GLG1: variants seen among roughly 807,000 people sequenced by gnomAD.
GLG1 encodes the protein golgi glycoprotein 1, also known as Golgi apparatus protein 1.
A neutral mutation model predicts 160.5 loss-of-function variants in GLG1; 38 were observed. The ratio of observed to expected loss-of-function variants is 0.24; its 90% CI spans 0.18 to 0.31. The LOEUF is 0.31. GLG1 is among the 10% of genes least tolerant of loss of function. GLG1 has a pLI of 1.00. For synonymous variants in GLG1, 644 were observed against 543.4 expected (o/e 1.19, Z -2.57); for missense variants, 1,373 against 1,505.2 (o/e 0.91, Z 1.45).
In GLG1 at chr16:74,474,650, A is replaced by T; in HGVS notation, c.1966-18T>A. ...TCCAGCTCCTGCAAATATAAAGGCA[A>T]GCCACTGGCATTTATCAGTCACATA... On this transcript the variant is annotated intron_variant, in intron 12 of 25. Transcript: ENST00000422840. 2 of 1,202,692 alleles carry T rather than the reference A, an allele frequency of 1.7e-6. No individual in the cohort carries two copies. Among genetic ancestry groups the T allele is most frequent in the Non-Finnish European group, 2.5e-6 (2 of 803,804 alleles). 74.5% of individuals were successfully genotyped at this position (1,202,692 alleles called of 1,614,324 possible).
chr16:74,495,419 G>C (rs2016150252), intron 5 of GLG1, among the ~76,000 whole-genome samples: 1 of 152,170 alleles, frequency 6.6e-6, no homozygotes. Context: ...CAGCCTCTGA[G>C]TCTTCTTTCT....
chr16:74,603,575 T>C (rs1291552470), intron 1 of GLG1, among the ~76,000 whole-genome samples: 1 of 151,874 alleles, frequency 6.6e-6, no homozygotes, highest in Non-Finnish European at 1.5e-5. Flanking sequence ...TGCGCCCGGC[T>C]GAACACCACA....
chr16:74,454,686 A>ACC (rs1269230432), intron 25 of GLG1, among the ~76,000 whole-genome samples: 3,481 of 147,694 alleles, frequency 0.024, 130 homozygotes, highest in African/African-American at 0.062. Context: ...AAAAAAAAAA[A>ACC]AAAAAAAAAA....
At chr16:74,559,010 G>A (rs1165718083) in intron 1 of GLG1, among the ~76,000 whole-genome samples, 3 of 152,068 alleles carry the variant, frequency 2.0e-5, no homozygotes, top group Non-Finnish European at 4.4e-5. Context: ...TCAGCCTCCT[G>A]AGCAGCTGGG....
intron 1 of GLG1, among the ~76,000 whole-genome samples, chr16:74,583,989 T>A (rs1246569945): frequency 2.0e-5 from 3 of 152,096 alleles, no homozygotes; most frequent in African/African-American, 7.2e-5. Flanking sequence ...TCCCCATCAA[T>A]CCCACTTCTA....
At chr16:74,590,845 A>G (rs1045340993) in intron 1 of GLG1, among the ~76,000 whole-genome samples, 5 of 151,232 alleles carry the variant, frequency 3.3e-5, no homozygotes, top group African/African-American at 9.7e-5. Flanking sequence ...CCACCACCAG[A>G]CACACTAAAA....
intron 1 of GLG1, among the ~76,000 whole-genome samples, chr16:74,591,906 A>G (rs903210686): frequency 6.6e-6 from 1 of 152,160 alleles, no homozygotes; most frequent in African/African-American, 2.4e-5. Flanking sequence ...GTGGGAGCAG[A>G]GTTTTCCTTT....
At position 74,486,043 on chromosome 16, in the gene GLG1, T is replaced by C. The variant is rs561228330; in HGVS notation, c.1450-126A>G. 10 of 676,790 alleles carry C rather than the reference T, an allele frequency of 1.5e-5. No individual in the cohort carries two copies. The East Asian group carries it at 2.2e-4, about 15-fold the overall frequency. 41.9% of individuals were successfully genotyped at this position (676,790 alleles called of 1,614,324 possible). On this transcript the variant is annotated intron_variant, in intron 8 of 25. Coordinates refer to ENST00000422840, the MANE Select transcript of GLG1 (RefSeq NM_001145667.2). ...TGTACTCCAATAAAGTTGTCTACAG[T>C]TGTCACTAGCCAAGCTCAAGAGCAT... is the stretch of plus-strand genomic sequence containing the variant.
chr16:74,605,277 A>G (rs75179791), intron 1 of GLG1, among the ~76,000 whole-genome samples: 2,926 of 151,612 alleles, frequency 0.019, 40 homozygotes, highest in Non-Finnish European at 0.028. Context: ...AGGTTTCCAA[A>G]TGTCCGGAAT....
At chr16:74,502,722 G>GTTTTTTTTTTTTT (rs745410150) in intron 4 of GLG1, among the ~76,000 whole-genome samples, 6 of 109,588 alleles carry the variant, frequency 5.5e-5, no homozygotes, top group African/African-American at 1.8e-4. Flanking sequence ...TTTGTTTTTG[G>GTTTTTTTTTTTTT]TTTTTTTTTT....
intron 1 of GLG1, among the ~76,000 whole-genome samples, chr16:74,555,804 A>G (rs1404455767): frequency 2.6e-5 from 4 of 151,998 alleles, no homozygotes; most frequent in Admixed American, 2.0e-4. Flanking sequence ...TCACACAAAG[A>G]CAATTATAGC....
At position 74,493,042 on chromosome 16, in the gene GLG1, G is replaced by A; in HGVS notation, c.1149C>T (p.Tyr383=). The A allele has an allele frequency of 1.2e-6, 2 of 1,613,614 alleles. No individual in the cohort carries two copies. The highest frequency in any genetic ancestry group is 1.7e-4 in the Middle Eastern group (1 of 6,060). Residue 383 remains tyrosine, a synonymous_variant, in exon 7 of 26, where the codon TAC becomes TAT. Transcript: ENST00000422840. ...GCGGAAGGTTTTCCACATTGCACCGGTATTTCTTCAAGTCACTTTTACAGG... is the reference window on the plus strand; with the variant it reads ...GCGGAAGGTTTTCCACATTGCACCGATATTTCTTCAAGTCACTTTTACAGG... The part of the protein sequence containing the change: ...AKSCKSDLKK[Y]RCNVENLPRS...
At chr16:74,541,837 C>T (rs1370144995) in intron 1 of GLG1, among the ~76,000 whole-genome samples, 2 of 151,796 alleles carry the variant, frequency 1.3e-5, no homozygotes, top group Admixed American at 1.3e-4. Flanking sequence ...ATTTTTACTA[C>T]ATACTCTTTG....
intron 1 of GLG1, among the ~76,000 whole-genome samples, chr16:74,548,443 A>T (rs1299436984): frequency 1.3e-5 from 2 of 152,212 alleles, no homozygotes; most frequent in Non-Finnish European, 2.9e-5. Context: ...CTTATATTTA[A>T]GAAAGTTCTT....
At chr16:74,530,195 C>T (rs2017487262) in intron 2 of GLG1, among the ~76,000 whole-genome samples, 1 of 152,114 alleles carries the variant, frequency 6.6e-6, no homozygotes, top group Non-Finnish European at 1.5e-5. Context: ...AGGTTTTCCC[C>T]TAATCCTTTG....
At chr16:74,572,141 C>T (rs2018845429) in intron 1 of GLG1, among the ~76,000 whole-genome samples, 1 of 152,006 alleles carries the variant, frequency 6.6e-6, no homozygotes, top group African/African-American at 2.4e-5. Flanking sequence ...CCCCCAATCT[C>T]CAGGGAGGGG....
At chr16:74,570,837 A>T (rs947142781) in intron 1 of GLG1, among the ~76,000 whole-genome samples, 1 of 152,200 alleles carries the variant, frequency 6.6e-6, no homozygotes, top group Non-Finnish European at 1.5e-5. Context: ...ACAGCAAGCT[A>T]CAATCATGCC....
intron 2 of GLG1, among the ~76,000 whole-genome samples, chr16:74,525,476 T>C (rs1017335387): frequency 1.4e-4 from 22 of 152,054 alleles, no homozygotes; most frequent in East Asian, 1.2e-3. Context: ...TTCTTCTTTG[T>C]AGAGATAGGG....
intron 3 of GLG1, among the ~76,000 whole-genome samples, chr16:74,506,361 G>A (rs1346517084): frequency 2.6e-5 from 4 of 151,300 alleles, no homozygotes; most frequent in African/African-American, 4.9e-5. Flanking sequence ...GGCGGATCAC[G>A]AGGTCAGGAG....
Sources: gnomAD v4.1 joint callset for allele counts (sites outside exome capture counted in the v4.1 genomes callset) on GRCh38, gnomAD v4.1.1 for gene constraint, MANE v1.5 for transcripts, NCBI Gene and HGNC (gene_info 2026-07-23, HGNC 2026-07-21) for gene names.